PDE1C: variants seen among roughly 807,000 people sequenced by gnomAD.
PDE1C encodes dual specificity calcium/calmodulin-dependent 3',5'-cyclic nucleotide phosphodiesterase 1C.
PDE1C carries 62 observed loss-of-function variants against 93.1 expected under a neutral mutation model. The ratio of observed to expected loss-of-function variants is 0.67; its 90% CI spans 0.54 to 0.82. The LOEUF is 0.82. Ranked by LOEUF, PDE1C falls within the 40% of genes least tolerant of loss-of-function variation. The pLI is 0.00. For missense variants in PDE1C, 742 were observed against 884.6 expected, an observed-to-expected ratio of 0.84 and a Z score of 2.04; for synonymous variants, 325 against 310.1, an observed-to-expected ratio of 1.05 and a Z score of -0.50.
At chr7:32,232,499 C>CGTTGG (rs1807775522) in intron 1 of PDE1C, among the ~76,000 whole-genome samples, 1 of 152,150 alleles carries the variant, frequency 6.6e-6, no homozygotes, top group African/African-American at 2.4e-5. Flanking sequence ...TGCCCAGTGG[C>CGTTGG]CTGAAATTCA....
intron 2 of PDE1C, among the ~76,000 whole-genome samples, chr7:32,035,583 G>A (rs968551534): frequency 1.3e-5 from 2 of 152,172 alleles, no homozygotes; most frequent in Admixed American, 6.5e-5. Context: ...TCTGATCAAC[G>A]TTTGTTGTAA....
chr7:31,693,040 G>C, the PDE1C span, among the ~76,000 whole-genome samples: 4 of 151,952 alleles, frequency 2.6e-5, no homozygotes, highest in Non-Finnish European at 4.4e-5. Context: ...CATTTCTGCC[G>C]CTACCCATTT....
chr7:31,715,904 GTGCCTACTTGTGCATAGCCCT>G, the PDE1C span, among the ~76,000 whole-genome samples: 4 of 152,264 alleles, frequency 2.6e-5, no homozygotes, highest in Non-Finnish European at 5.9e-5. Flanking sequence ...TAAGGACCCT[GTGCCTACTTGTGCATAGCCCT>G]TGCCTACTTG....
At chr7:31,620,113 A>C in the PDE1C span, among the ~76,000 whole-genome samples, 1 of 152,168 alleles carries the variant, frequency 6.6e-6, no homozygotes, top group African/African-American at 2.4e-5. Flanking sequence ...GGAAGCTCCA[A>C]CTGGGTGGAG....
chr7:31,951,497 A>C (rs1030594583), intron 2 of PDE1C, among the ~76,000 whole-genome samples: 3 of 152,180 alleles, frequency 2.0e-5, no homozygotes, highest in Non-Finnish European at 4.4e-5. Context: ...TTGGTAGCTA[A>C]GTAGGTCTGA....
At chr7:32,298,767 G>A (rs748188584) in exon 1 of PDE1C, 10 of 1,562,298 alleles carry the variant, frequency 6.4e-6, no homozygotes, top group East Asian at 2.4e-5. Context: ...GCCTCGCAGC[G>A]AGACCAGCGG....
chr7:31,804,636 T>G (rs967735417), intron 16 of PDE1C, among the ~76,000 whole-genome samples: 1 of 151,902 alleles, frequency 6.6e-6, no homozygotes. Flanking sequence ...TTTTTCTTTC[T>G]TTATTAAGTC....
intron 3 of PDE1C, among the ~76,000 whole-genome samples, chr7:32,152,602 G>A (rs978897098): frequency 2.0e-5 from 3 of 152,180 alleles, no homozygotes; most frequent in Non-Finnish European, 2.9e-5. Context: ...AAGTGGAGAT[G>A]CCCTTCGACC....
chr7:31,726,336 G>T, the PDE1C span, among the ~76,000 whole-genome samples: 1 of 152,114 alleles, frequency 6.6e-6, no homozygotes, highest in Non-Finnish European at 1.5e-5. Context: ...GGGATTATAG[G>T]TGGGAGCCAC....
At position 32,297,982 on chromosome 7, in the gene PDE1C, TCTCTCTCTCTCTCTCC is replaced by T. The variant is rs1562659936; in HGVS notation, c.85+653_85+668del. Among the ~76,000 whole-genome samples, 282 of 74,786 alleles carry T rather than the reference TCTCTCTCTCTCTCTCC, an allele frequency of 3.8e-3. 11 individuals carry two copies. The highest frequency in any genetic ancestry group is 0.014 in the African/African-American group (254 of 18,574). The allele number at this position is 74,786 out of a possible 152,430, so 49.1% of individuals were successfully genotyped here. On this transcript the variant is annotated intron_variant, in intron 1 of 18. Coordinates refer to the PDE1C transcript ENST00000396193. ...CTCTCTCTCTCTCTCTCTCTCTCTCTCTCTCTCTCTCTCTCCTCTCTCTCTCTCTCTCTCCCTCTCT... is the reference window on the plus strand; with the variant it reads ...CTCTCTCTCTCTCTCTCTCTCTCTCTTCTCTCTCTCTCTCTCTCCCTCTCT...
intron 1 of PDE1C, among the ~76,000 whole-genome samples, chr7:32,330,677 C>T (rs1420556145): frequency 6.6e-6 from 1 of 152,194 alleles, no homozygotes; most frequent in African/African-American, 2.4e-5. Context: ...TGGCCAAGGC[C>T]TGTTCCCGAG....
intron 6 of PDE1C, among the ~76,000 whole-genome samples, chr7:31,870,369 A>G (rs11769931): frequency 0.35 from 52,569 of 151,740 alleles, 10,847 homozygotes; most frequent in East Asian, 0.52. Context: ...AGACTAACAA[A>G]GAAAAAAAAG....
intron 2 of PDE1C, among the ~76,000 whole-genome samples, chr7:32,206,847 A>G (rs1805595838): frequency 6.6e-6 from 1 of 152,198 alleles, no homozygotes; most frequent in Non-Finnish European, 1.5e-5. Context: ...GCCTGCATTC[A>G]CACAGCGCAC....
chr7:32,214,975 T>TTGATGATTATGATGA (rs1554288811), intron 1 of PDE1C, among the ~76,000 whole-genome samples: 2 of 151,116 alleles, frequency 1.3e-5, no homozygotes, highest in African/African-American at 4.9e-5. Context: ...GGGAAGTGAC[T>TTGATGATTATGATGA]TGATGATGAT....
chr7:32,263,018 T>C (rs1423311887), intron 1 of PDE1C, among the ~76,000 whole-genome samples: 1 of 152,218 alleles, frequency 6.6e-6, no homozygotes, highest in Non-Finnish European at 1.5e-5. Context: ...TCAAATGTGA[T>C]TACCAGAGTC....
intron 1 of PDE1C, among the ~76,000 whole-genome samples, chr7:32,320,625 A>T (rs758034208): frequency 1.8e-4 from 18 of 99,594 alleles, no homozygotes; most frequent in Admixed American, 8.9e-4. Flanking sequence ...ACACACATAC[A>T]CACACACACA....
intron 2 of PDE1C, among the ~76,000 whole-genome samples, chr7:32,039,473 C>T (rs1678624639): frequency 6.6e-6 from 1 of 152,150 alleles, no homozygotes. Context: ...GATTAAAGAA[C>T]TGATTGTAGA....
intron 3 of PDE1C, among the ~76,000 whole-genome samples, chr7:32,079,750 T>G (rs1563292786): frequency 4.6e-5 from 7 of 151,992 alleles, no homozygotes; most frequent in Non-Finnish European, 1.5e-5. Flanking sequence ...GTGCCAAGAG[T>G]GGGGAGGCAG....
At chr7:31,945,286 GA>G (rs112174177) in intron 2 of PDE1C, among the ~76,000 whole-genome samples, 9 of 151,824 alleles carry the variant, frequency 5.9e-5, no homozygotes, top group African/African-American at 1.7e-4. Context: ...TAAAAAATAA[GA>G]AAAAAAGATT....
Sources: allele counts gnomAD v4.1 joint callset (sites outside exome capture counted in the v4.1 genomes callset), GRCh38; gene constraint gnomAD v4.1.1; transcripts MANE v1.5; gene names NCBI Gene and HGNC (gene_info 2026-07-23, HGNC 2026-07-21).